ABCB11: variants seen among roughly 807,000 people sequenced by gnomAD.
The protein encoded by ABCB11 is bile salt export pump.
ABCB11 carries 95 observed loss-of-function variants against 148.0 expected under a neutral mutation model. That is an observed-to-expected ratio of 0.64 (90% confidence interval 0.54 to 0.76). The LOEUF (loss-of-function observed/expected upper bound fraction) is 0.76, where lower values mean the gene tolerates loss of function less well. Ranked by LOEUF, ABCB11 falls within the 30% of genes least tolerant of loss-of-function variation. The pLI is 0.00. For missense variants in ABCB11, 1,523 were observed against 1,617.8 expected, an observed-to-expected ratio of 0.94 and a Z score of 1.01; for synonymous variants, 591 against 555.4, an observed-to-expected ratio of 1.06 and a Z score of -0.90.
chr2:168,989,612 G>C (rs772742171), intron 9 of ABCB11, among the ~76,000 whole-genome samples: 1 of 151,988 alleles, frequency 6.6e-6, no homozygotes. Flanking sequence ...TGTTCTTCTT[G>C]TTCAGGATTT....
At chr2:168,965,206 A>G (rs1234702802) in intron 17 of ABCB11, among the ~76,000 whole-genome samples, 1 of 151,812 alleles carries the variant, frequency 6.6e-6, no homozygotes, top group East Asian at 2.0e-4. Context: ...ATGTATAAAC[A>G]TAAGCATGGA....
chr2:168,993,984 T>G, intron 7 of ABCB11, 102 bp from the exon 8 acceptor site: 1 of 1,019,502 alleles, frequency 9.8e-7, no homozygotes, highest in Non-Finnish European at 1.5e-6. Context: ...CATCTCTCTA[T>G]CCCTATCACC....
At chr2:168,986,053 G>C (rs1694307329) in intron 10 of ABCB11, 57 bp downstream of exon 10, 1 of 1,334,892 alleles carries the variant, frequency 7.5e-7, no homozygotes. Context: ...CTAATCCATG[G>C]ACTTTTCTGA....
At chr2:169,005,663 T>C (rs1032872856) in intron 5 of ABCB11, among the ~76,000 whole-genome samples, 6 of 152,124 alleles carry the variant, frequency 3.9e-5, no homozygotes, top group African/African-American at 1.2e-4. Context: ...ACACAGTTTT[T>C]TGGCATCCCA....
intron 19 of ABCB11, among the ~76,000 whole-genome samples, chr2:168,950,178 T>A (rs1692499745): frequency 6.7e-6 from 1 of 149,784 alleles, no homozygotes. Context: ...CAAAATAGGA[T>A]ATATATCCTA....
intron 24 of ABCB11, among the ~76,000 whole-genome samples, chr2:168,931,590 C>A (rs143404675): frequency 3.0e-4 from 45 of 152,268 alleles, no homozygotes; most frequent in Non-Finnish European, 5.9e-4. Context: ...TCCACATAAG[C>A]TAAAACTTGA....
chr2:168,979,665 T>C (rs1574462054), intron 11 of ABCB11, among the ~76,000 whole-genome samples: 1 of 81,722 alleles, frequency 1.2e-5, no homozygotes. Context: ...AGAGCGAAAC[T>C]CCATCTCAAA....
chr2:168,919,049 T>C (rs1003659492), downstream of ABCB11, among the ~76,000 whole-genome samples: 1 of 149,728 alleles, frequency 6.7e-6, no homozygotes, highest in African/African-American at 2.6e-5. Flanking sequence ...TGTTTAAATG[T>C]TTAACTGTTT....
intron 5 of ABCB11, among the ~76,000 whole-genome samples, chr2:169,001,082 T>C (rs1694857033): frequency 6.6e-6 from 1 of 152,180 alleles, no homozygotes; most frequent in Non-Finnish European, 1.5e-5. Context: ...TCAAGTGAAA[T>C]ATATAAAGAT....
At chr2:169,013,575 T>A in intron 4 of ABCB11, 65 bp from the exon 5 acceptor site, 2 of 1,309,278 alleles carry the variant, frequency 1.5e-6, no homozygotes, top group Non-Finnish European at 2.1e-6. Context: ...GAGGACTACT[T>A]AATTTAGTTA....
intron 5 of ABCB11, among the ~76,000 whole-genome samples, chr2:169,009,544 C>T (rs1017594569): frequency 7.9e-6 from 1 of 126,788 alleles, no homozygotes; most frequent in African/African-American, 3.1e-5. Context: ...CACATGGACA[C>T]AGGAAGGGGA....
rs540176775 is a variant in ABCB11 at position 168,964,662 on chromosome 2, C to T, written c.2076-354G>A. 4.6e-5 allele frequency among the ~76,000 whole-genome samples: 7 copies of T among 151,920 alleles called. No individual in the cohort carries two copies. The South Asian group carries it at 1.0e-3, about 22-fold the overall frequency. ...ATGGTTCTGCTAATTGCTGCCTTGGCAACAGTCTATTTCCTTTACTTTCCT... is the reference window on the plus strand; with the variant it reads ...ATGGTTCTGCTAATTGCTGCCTTGGTAACAGTCTATTTCCTTTACTTTCCT... On this transcript the variant is annotated intron_variant, in intron 17 of 27. Coordinates refer to ENST00000650372, the MANE Select transcript of ABCB11 (RefSeq NM_003742.4).
chr2:168,950,831 C>T (rs1458493347), intron 19 of ABCB11, among the ~76,000 whole-genome samples: 1 of 151,604 alleles, frequency 6.6e-6, no homozygotes, highest in Non-Finnish European at 1.5e-5. Context: ...CTTTTGAGGA[C>T]TTTGAATTAA....
At chr2:168,984,889 A>G (rs1158208140) in intron 10 of ABCB11, among the ~76,000 whole-genome samples, 1 of 152,176 alleles carries the variant, frequency 6.6e-6, no homozygotes, top group African/African-American at 2.4e-5. Context: ...TTTCATGACC[A>G]AGAACCCAAA....
chr2:169,022,178 T>C (rs1695559750), intron 1 of ABCB11, among the ~76,000 whole-genome samples: 1 of 151,940 alleles, frequency 6.6e-6, no homozygotes, highest in Admixed American at 6.6e-5. Flanking sequence ...TGCATTTTGC[T>C]TTTAAGAGAT....
rs368393726 is a variant in ABCB11 at position 168,930,797 on chromosome 2, C to A, written c.3279G>T (p.Ser1093=). The change falls in exon 25 of 28, where the codon TCG becomes TCT. Residue 1093 remains serine, a synonymous_variant. Transcript: ENST00000650372. ...ACACTGAGAGACCATTCAGAACTTG[C>A]GAGTCAGGTCGAGAAGGATATGTAA... is the stretch of plus-strand genomic sequence containing the variant. ...CKFTYPSRPD[S]QVLNGLSVSI... 3 of 1,612,900 alleles carry A rather than the reference C, an allele frequency of 1.9e-6. No homozygotes were observed. Among genetic ancestry groups the A allele is most frequent in the South Asian group, 1.1e-5 (1 of 90,760 alleles).
At chr2:169,014,458 T>A in intron 3 of ABCB11, 104 bp from the exon 4 acceptor site, 1 of 1,122,256 alleles carries the variant, frequency 8.9e-7, no homozygotes, top group East Asian at 2.4e-5. Flanking sequence ...AGAAAGAAAA[T>A]CCCCACTGGC....
chr2:168,964,362 G>T, intron 17 of ABCB11, 54 bp from the exon 18 acceptor site: 1 of 1,354,624 alleles, frequency 7.4e-7, no homozygotes, highest in Non-Finnish European at 1.0e-6. Flanking sequence ...ATTGGAGCAG[G>T]ATCAACTGGT....
chr2:168,983,327 CA>C (rs1213197463), intron 10 of ABCB11, among the ~76,000 whole-genome samples: 1 of 152,044 alleles, frequency 6.6e-6, no homozygotes, highest in Non-Finnish European at 1.5e-5. Flanking sequence ...TGGTAAATGT[CA>C]AAGTTCTTAG....
Sources: gnomAD v4.1 joint callset for allele counts (sites outside exome capture counted in the v4.1 genomes callset) on GRCh38, gnomAD v4.1.1 for gene constraint, MANE v1.5 for transcripts, NCBI Gene and HGNC (gene_info 2026-07-23, HGNC 2026-07-21) for gene names.